RHOBTB2: variants seen among roughly 807,000 people sequenced by gnomAD.
RHOBTB2 encodes Rho related BTB domain containing 2.
RHOBTB2 carries 39 observed loss-of-function variants against 66.5 expected under a neutral mutation model. The ratio of observed to expected loss-of-function variants is 0.59; its 90% CI spans 0.45 to 0.77. The LOEUF is 0.77. RHOBTB2 is among the 30% of genes least tolerant of loss of function. The pLI, the probability that RHOBTB2 is intolerant of heterozygous loss-of-function variation, is 0.00. For missense variants in RHOBTB2, 755 were observed against 999.1 expected (o/e 0.76, Z 3.29); for synonymous variants, 390 against 395.0 (o/e 0.99, Z 0.15).
upstream of RHOBTB2, among the ~76,000 whole-genome samples, chr8:22,983,181 T>A (rs1409147022): frequency 6.6e-6 from 1 of 151,282 alleles, no homozygotes. Context: ...GATGGGGAGG[T>A]GCCTCTGATG....
At chr8:22,990,780 C>T (rs950574615) in intron 1 of RHOBTB2, among the ~76,000 whole-genome samples, 1 of 152,194 alleles carries the variant, frequency 6.6e-6, no homozygotes, top group Non-Finnish European at 1.5e-5. Context: ...TGGCCCCCGC[C>T]GCTCAACCCA....
upstream of RHOBTB2, among the ~76,000 whole-genome samples, chr8:22,983,984 T>C (rs938691264): frequency 7.9e-5 from 12 of 152,300 alleles, no homozygotes; most frequent in Admixed American, 2.0e-4. Flanking sequence ...TCCACCTGCC[T>C]CAACCTCCCA....
At chr8:22,968,501 T>C in the RHOBTB2 span, among the ~76,000 whole-genome samples, 4 of 152,306 alleles carry the variant, frequency 2.6e-5, no homozygotes, top group East Asian at 5.8e-4. Context: ...AGTGCAACTT[T>C]ACAAAATAAG....
chr8:22,982,128 C>G, the RHOBTB2 span, among the ~76,000 whole-genome samples: 2 of 152,250 alleles, frequency 1.3e-5, 1 homozygote. Flanking sequence ...ACCATTGCAA[C>G]TAACCCAAGT....
At chr8:22,986,625 C>A (rs1170844361), upstream of RHOBTB2, among the ~76,000 whole-genome samples, 1 of 152,070 alleles carries the variant, frequency 6.6e-6, no homozygotes, top group African/African-American at 2.4e-5. Context: ...CAGGGCCAAC[C>A]CGTCAAAACA....
the RHOBTB2 span, among the ~76,000 whole-genome samples, chr8:22,954,339 TTC>T: frequency 6.6e-6 from 1 of 152,240 alleles, no homozygotes; most frequent in African/African-American, 2.4e-5. Flanking sequence ...TTGTTTTTGT[TTC>T]TGTTTTTGTT....
chr8:22,984,134 A>G (rs1011365504), upstream of RHOBTB2, among the ~76,000 whole-genome samples: 2 of 152,240 alleles, frequency 1.3e-5, no homozygotes, highest in Non-Finnish European at 2.9e-5. Context: ...GCAAAAAAAA[A>G]CAGTACAAAA....
rs1385553396 is a variant in RHOBTB2 at position 23,005,603 on chromosome 8, G to A, written c.296+128G>A. On this transcript the variant is annotated intron_variant, in intron 3 of 9. Transcript: ENST00000251822. ...AAGTGGAGAAAACAGCTCTGGCAGA[G>A]CCTCATGGGGGCTGGGGCAGCCTGG... is the stretch of plus-strand genomic sequence containing the variant. The A allele has an allele frequency of 6.4e-5, 45 of 707,162 alleles. No individual in the cohort carries two copies. In the East Asian group the frequency reaches 1.1e-3, roughly 17 times the overall value. The allele number at this position is 707,162 out of a possible 1,614,324, so 43.8% of individuals were successfully genotyped here. A position where few individuals can be genotyped will look rare whatever the true frequency, so the allele number is the denominator to read the frequency against.
At chr8:22,966,280 GA>G in the RHOBTB2 span, among the ~76,000 whole-genome samples, 1 of 152,040 alleles carries the variant, frequency 6.6e-6, no homozygotes, top group Non-Finnish European at 1.5e-5. Flanking sequence ...TTGAACTCAG[GA>G]GGTGGAAGTT....
the RHOBTB2 span, among the ~76,000 whole-genome samples, chr8:22,971,261 T>A: frequency 3.3e-5 from 5 of 152,048 alleles, no homozygotes; most frequent in South Asian, 1.0e-3. Flanking sequence ...CTTGGCTCAC[T>A]GCAGCCTTGA....
chr8:22,973,142 G>T, the RHOBTB2 span, among the ~76,000 whole-genome samples: 1 of 152,166 alleles, frequency 6.6e-6, no homozygotes, highest in South Asian at 2.1e-4. Flanking sequence ...CCCTCTAGGG[G>T]CTCTGACCCC....
chr8:22,955,005 C>T, the RHOBTB2 span, among the ~76,000 whole-genome samples: 1 of 152,140 alleles, frequency 6.6e-6, no homozygotes, highest in African/African-American at 2.4e-5. Context: ...GTGGAGCACG[C>T]CTGTAGTCCC....
At position 23,005,389 on chromosome 8, in the gene RHOBTB2, A is replaced by G; in HGVS notation, c.210A>G (p.Arg70=). 1 of 1,613,816 alleles carries G rather than the reference A, an allele frequency of 6.2e-7. No homozygotes were observed. Among genetic ancestry groups the G allele is most frequent in the South Asian group, 1.1e-5 (1 of 91,076 alleles). The change falls in exon 3 of 10, where the codon CGA becomes CGG. Residue 70 remains arginine (R), a synonymous_variant. Transcript: ENST00000251822. ...GTCCCCAGGTGCTGGAACGCTCCCGAGACGTGGTAGATGATGTCAGCGTCT... is the reference window on the plus strand; with the variant it reads ...GTCCCCAGGTGCTGGAACGCTCCCGGGACGTGGTAGATGATGTCAGCGTCT... ...RVCQEVLERS[R]DVVDDVSVSL...
chr8:22,976,721 G>C, the RHOBTB2 span, among the ~76,000 whole-genome samples: 3 of 151,812 alleles, frequency 2.0e-5, no homozygotes, highest in African/African-American at 4.8e-5. Context: ...CACCTCCCTA[G>C]TTCAAGTGAT....
chr8:23,014,660 T>G, intron 7 of RHOBTB2, 30 bp from the exon 8 acceptor site: 1 of 1,602,364 alleles, frequency 6.2e-7, no homozygotes, highest in Non-Finnish European at 8.5e-7. Flanking sequence ...ATGTGCTTCT[T>G]CAGCTGATTG....
chr8:23,015,873 G>A (rs1482467535), intron 9 of RHOBTB2, 130 bp downstream of exon 9: 10 of 692,192 alleles, frequency 1.4e-5, no homozygotes, highest in Middle Eastern at 7.2e-4. Flanking sequence ...GCCTGCAAAG[G>A]AGCCTCCAGC....
the RHOBTB2 span, among the ~76,000 whole-genome samples, chr8:22,964,674 T>G: frequency 6.6e-6 from 1 of 152,166 alleles, no homozygotes; most frequent in South Asian, 2.1e-4. Context: ...GATCTGGTAG[T>G]TTGTTGTCAG....
rs111467176 is a variant in RHOBTB2 at position 23,006,286 on chromosome 8, C to CTCAT, written c.482+158_482+161dup. The CTCAT allele has an allele frequency of 2.4e-3, 1,716 of 705,088 alleles. 21 individuals carry two copies. Among genetic ancestry groups the CTCAT allele is most frequent in the African/African-American group, 0.024 (1,348 of 56,164 alleles). The allele number at this position is 705,088 out of a possible 1,614,324, so 43.7% of individuals were successfully genotyped here. ...CTTGCATTGGGAGTCAACAAGCATGCTCATTCATTCATTCATTCATATACC... is the reference window on the plus strand; with the variant it reads ...CTTGCATTGGGAGTCAACAAGCATGCTCATTCATTCATTCATTCATTCATATACC... On this transcript the variant is annotated intron_variant, in intron 4 of 9. Coordinates refer to ENST00000251822, the MANE Select transcript of RHOBTB2 (RefSeq NM_015178.3). This position sits in a 1 kb window ranked among gnomAD's most constrained non-coding sequence, Gnocchi z 6.1.
rs1339026683 is a variant in RHOBTB2, at chr8:23,018,759, T to C, written c.*1290T>C. ...AGAGAGTGCTTATGGTGGGTGTTTT[T>C]GCGGGGCTGCAATAGGGGCCAAAAG... On this transcript the variant is annotated 3_prime_UTR_variant, in exon 10 of 10. Transcript: ENST00000251822. 2.0e-5 allele frequency: 3 copies of C among 152,534 alleles called. No homozygotes were observed. Among genetic ancestry groups the C allele is most frequent in the Non-Finnish European group, 4.4e-5 (3 of 68,312 alleles). The allele number at this position is 152,534 out of a possible 1,614,324, so 9.4% of individuals were successfully genotyped here.
Sources: gnomAD v4.1 joint callset for allele counts (sites outside exome capture counted in the v4.1 genomes callset) on GRCh38, gnomAD v4.1.1 for gene constraint, Gnocchi (gnomAD v3.1) non-coding constraint, MANE v1.5 for transcripts, NCBI Gene and HGNC (gene_info 2026-07-23, HGNC 2026-07-21) for gene names.